Variants in TENM1 observed in about 807,000 individuals in gnomAD.
The protein encoded by TENM1 is teneurin-1.
A neutral mutation model predicts 174.8 loss-of-function variants in TENM1; 35 were observed. The ratio of observed to expected loss-of-function variants is 0.20; its 90% CI spans 0.15 to 0.27. The LOEUF (loss-of-function observed/expected upper bound fraction) is 0.27. Among genes scored for constraint, TENM1 ranks in the 10% least tolerant of loss-of-function variants. TENM1 has a pLI of 1.00. For synonymous variants in TENM1, 781 were observed against 798.7 expected (o/e 0.98, Z 0.37); for missense variants, 1,633 against 2,130.1 (o/e 0.77, Z 4.59).
rs369244679 is a variant in TENM1 at position 124,896,193 on chromosome X, G to C, written c.266C>G (p.Thr89Arg). The C allele has an allele frequency of 3.3e-6, 4 of 1,209,307 alleles. No individual in the cohort carries two copies. In the African/African-American group the frequency reaches 7.0e-5, roughly 21 times the overall value. The change falls in exon 2 of 32, where the codon ACA becomes AGA. Residue 89 changes from threonine (T) to arginine (R), a missense_variant. Around this residue, in one of 4 missense-constraint regions of TENM1, gnomAD observed 305 missense variants for 309.2 expected, o/e 0.99. Transcript: ENST00000422452. Reference sequence around the variant, plus strand: ...ATGCCGAGAAACGCTGTGCATGTCTGTTTGGTAGCCAGAGCACAGAGTGTG... The same window carrying C: ...ATGCCGAGAAACGCTGTGCATGTCTCTTTGGTAGCCAGAGCACAGAGTGTG...
intron 8 of TENM1, among the ~76,000 whole-genome samples, chrX:124,649,315 G>A (rs2051238511): frequency 8.9e-6 from 1 of 112,194 alleles, no homozygotes; most frequent in Non-Finnish European, 1.9e-5. Flanking sequence ...TCTCATGGGA[G>A]AAACTAAATG....
At chrX:125,199,677 G>T in the TENM1 span, among the ~76,000 whole-genome samples, 2 of 111,097 alleles carry the variant, frequency 1.8e-5, no homozygotes, top group Non-Finnish European at 3.8e-5. Context: ...CCTTGAAATG[G>T]GTCCTGAAGT....
At chrX:124,785,116 A>G (rs2055005179) in intron 3 of TENM1, among the ~76,000 whole-genome samples, 1 of 111,627 alleles carries the variant, frequency 9.0e-6, no homozygotes, top group Non-Finnish European at 1.9e-5. Flanking sequence ...AAAAGTAAAG[A>G]CCATTAATTG....
Position 124,392,226 on chromosome X carries a change from C to T in TENM1, c.5514G>A (p.Leu1838=), listed in dbSNP as rs149121714. Residue 1838 remains leucine, a synonymous_variant, in exon 28 of 32, where the codon CTG becomes CTA. Transcript: ENST00000422452. The stretch of plus-strand genomic sequence containing the variant: ...CATTATATCTGCTTACAGGAGACCA[C>T]AGAATGGGTCGCCCAGTCTGGTCAT... 4.1e-4 allele frequency: 499 copies of T among 1,209,672 alleles called. 1 individual carries two copies. In the African/African-American group the frequency reaches 7.9e-3, roughly 19 times the overall value.
intron 5 of TENM1, among the ~76,000 whole-genome samples, chrX:124,695,329 T>A (rs372738188): frequency 2.3e-4 from 26 of 111,617 alleles, no homozygotes; most frequent in African/African-American, 7.8e-4. Flanking sequence ...GATCTATTTT[T>A]AAAGAGAAAC....
the TENM1 span, among the ~76,000 whole-genome samples, chrX:125,120,473 G>T: frequency 9.2e-6 from 1 of 108,207 alleles, no homozygotes; most frequent in South Asian, 4.1e-4. Context: ...CCCCCAACCT[G>T]CCCCCCACAC....
chrX:124,699,312 C>T (rs998656439), intron 5 of TENM1, among the ~76,000 whole-genome samples: 2 of 110,821 alleles, frequency 1.8e-5, no homozygotes, highest in African/African-American at 6.5e-5. Context: ...GACTAACCTC[C>T]TGTCCAGTCC....
intron 14 of TENM1, among the ~76,000 whole-genome samples, chrX:124,554,115 C>T (rs1163187979): frequency 9.0e-6 from 1 of 110,812 alleles, no homozygotes; most frequent in Non-Finnish European, 1.9e-5. Flanking sequence ...TCCTCCCCCC[C>T]AAAAAATGAA....
chrX:124,622,091 C>T (rs1385929107), intron 11 of TENM1, among the ~76,000 whole-genome samples: 1 of 111,956 alleles, frequency 8.9e-6, no homozygotes, highest in Non-Finnish European at 1.9e-5. Flanking sequence ...AAGTAACTAG[C>T]TACATGTCTC....
chrX:125,180,943 C>G, the TENM1 span, among the ~76,000 whole-genome samples: 1 of 111,661 alleles, frequency 9.0e-6, no homozygotes, highest in Admixed American at 9.5e-5. Flanking sequence ...AGTCCACACT[C>G]ACATGCCTGG....
At position 124,490,613 on chromosome X, in the gene TENM1, T is replaced by C. The variant is rs2047046036; in HGVS notation, c.3696-3384A>G. Among the ~76,000 whole-genome samples, 4 of 112,262 alleles carry C rather than the reference T, an allele frequency of 3.6e-5. No individual in the cohort carries two copies. The South Asian group carries it at 1.5e-3, about 41-fold the overall frequency. ...GAGAAATTTTCATATCACATTGACA[T>C]TTGTTGAATCCAAATTACTCAAGAT... On this transcript the variant is annotated intron_variant, in intron 20 of 31. Transcript: ENST00000422452.
At chrX:124,455,196 G>A (rs190129180) in intron 22 of TENM1, among the ~76,000 whole-genome samples, 2 of 111,760 alleles carry the variant, frequency 1.8e-5, no homozygotes, top group East Asian at 5.6e-4. Context: ...CTATGTTTTG[G>A]TGAGTTCTCC....
intron 5 of TENM1, among the ~76,000 whole-genome samples, chrX:124,686,856 G>A (rs966643147): frequency 1.1e-4 from 12 of 111,523 alleles, no homozygotes; most frequent in African/African-American, 2.9e-4. Flanking sequence ...TTTGAAAACC[G>A]ACACAAGACA....
intron 11 of TENM1, among the ~76,000 whole-genome samples, chrX:124,596,274 A>G (rs1291747541): frequency 8.9e-6 from 1 of 111,974 alleles, no homozygotes; most frequent in African/African-American, 3.2e-5. Context: ...GATACACCTA[A>G]ATGTTTGACT....
chrX:125,186,830 C>A, the TENM1 span, among the ~76,000 whole-genome samples: 3 of 112,017 alleles, frequency 2.7e-5, no homozygotes, highest in African/African-American at 9.7e-5. Context: ...TCCCATGTGC[C>A]ATGCTTGGTG....
intron 22 of TENM1, among the ~76,000 whole-genome samples, chrX:124,468,121 C>T (rs141083733): frequency 6.3e-5 from 7 of 111,329 alleles, no homozygotes; most frequent in African/African-American, 2.3e-4. Context: ...TACAGACCAT[C>T]ATGCATCCAC....
chrX:124,590,201 T>C (rs1251082810), intron 11 of TENM1, among the ~76,000 whole-genome samples: 2 of 111,934 alleles, frequency 1.8e-5, no homozygotes, highest in Admixed American at 1.9e-4. Flanking sequence ...TTGTTTAACT[T>C]TGACATAACT....
intron 11 of TENM1, among the ~76,000 whole-genome samples, chrX:124,621,531 T>A (rs1391779883): frequency 2.7e-5 from 3 of 112,341 alleles, no homozygotes; most frequent in Non-Finnish European, 1.9e-5. Flanking sequence ...AATTCATTTA[T>A]GTTTCATACA....
intron 25 of TENM1, among the ~76,000 whole-genome samples, chrX:124,410,224 C>G (rs1255300161): frequency 9.0e-6 from 1 of 111,424 alleles, no homozygotes; most frequent in Non-Finnish European, 1.9e-5. Flanking sequence ...TGCATATCTA[C>G]AACTATCTGA....
Sources: gnomAD v4.1 joint callset for allele counts (sites outside exome capture counted in the v4.1 genomes callset) on GRCh38, gnomAD v4.1.1 for gene constraint, gnomAD v4.1.1 regional missense constraint, MANE v1.5 for transcripts, NCBI Gene and HGNC (gene_info 2026-07-23, HGNC 2026-07-21) for gene names.